The following KCTD14 variants were observed in gnomAD, a reference collection of about 807,000 sequenced individuals.
The protein encoded by KCTD14 is BTB/POZ domain-containing protein KCTD14.
KCTD14 carries 7 observed loss-of-function variants against 5.9 expected under a neutral mutation model. That is an observed-to-expected ratio of 1.19 (90% CI 0.68 to 2.23). The LOEUF (loss-of-function observed/expected upper bound fraction) is 2.23. Ranked by LOEUF, KCTD14 falls within the 30% of genes most tolerant of loss-of-function variation. The probability of loss-of-function intolerance (pLI) is 0.00; values close to 1 mark genes in which losing one functional copy is unlikely to be tolerated. For missense variants in KCTD14, 342 were observed against 332.2 expected (o/e 1.03, Z -0.23); for synonymous variants, 140 against 133.1 (o/e 1.05, Z -0.36).
chr11:78,044,371 G>A (rs367914848), intron 1 of KCTD14, among the ~76,000 whole-genome samples: 1 of 152,260 alleles, frequency 6.6e-6, no homozygotes, highest in East Asian at 1.9e-4. Flanking sequence ...TTCCTGAAAA[G>A]GACCTGGTGG....
chr11:78,037,610 A>G (rs1591193417), intron 2 of KCTD14, among the ~76,000 whole-genome samples: 1 of 151,974 alleles, frequency 6.6e-6, no homozygotes, highest in African/African-American at 2.4e-5. Flanking sequence ...CTTTAAAATC[A>G]CTGCCTCCAG....
chr11:78,042,206 T>C (rs779036315), intron 1 of KCTD14, among the ~76,000 whole-genome samples: 6 of 152,154 alleles, frequency 3.9e-5, no homozygotes, highest in Non-Finnish European at 8.8e-5. Flanking sequence ...AGAAATTTCG[T>C]TCATAGTTTA....
intron 2 of KCTD14, among the ~76,000 whole-genome samples, chr11:78,036,492 AC>A (rs1265525640): frequency 6.6e-6 from 1 of 152,236 alleles, no homozygotes; most frequent in Non-Finnish European, 1.5e-5. Context: ...GAAGACACTC[AC>A]CTAAAGTCCC....
At chr11:78,021,266 C>G (rs896459068) in intron 1 of KCTD14, among the ~76,000 whole-genome samples, 3 of 136,946 alleles carry the variant, frequency 2.2e-5, no homozygotes, top group African/African-American at 8.4e-5. Context: ...CTACTGCACT[C>G]CAGCCTAGGT....
intron 2 of KCTD14, among the ~76,000 whole-genome samples, chr11:78,030,046 A>C (rs1857572397): frequency 6.6e-6 from 1 of 151,988 alleles, no homozygotes; most frequent in Non-Finnish European, 1.5e-5. Flanking sequence ...AGCCTCCCAA[A>C]GTGCTGGGAT....
chr11:78,045,394 T>C (rs1293035965), intron 1 of KCTD14, among the ~76,000 whole-genome samples: 1 of 152,208 alleles, frequency 6.6e-6, no homozygotes, highest in African/African-American at 2.4e-5. Flanking sequence ...ACGATAGTGA[T>C]GTTATCTGCA....
chr11:78,028,494 T>C (rs1857527311), intron 2 of KCTD14, among the ~76,000 whole-genome samples: 1 of 151,424 alleles, frequency 6.6e-6, no homozygotes, highest in Non-Finnish European at 1.5e-5. Flanking sequence ...TCCCAGCTAC[T>C]CGGGAGGCTG....
At chr11:78,024,196 C>T (rs1365439504), upstream of KCTD14, among the ~76,000 whole-genome samples, 1 of 151,752 alleles carries the variant, frequency 6.6e-6, no homozygotes, top group African/African-American at 2.4e-5. Flanking sequence ...ACCAGCCTGA[C>T]CAAAATGGTG....
upstream of KCTD14, among the ~76,000 whole-genome samples, chr11:78,024,243 G>A (rs1857382791): frequency 6.6e-6 from 1 of 151,708 alleles, no homozygotes; most frequent in Admixed American, 6.6e-5. Flanking sequence ...AAATTAGCTG[G>A]GTGTGATGGC....
chr11:78,033,657 G>A (rs944775904), intron 2 of KCTD14, among the ~76,000 whole-genome samples: 1 of 146,042 alleles, frequency 6.8e-6, no homozygotes, highest in African/African-American at 2.6e-5. Context: ...ACTCCAGCCT[G>A]GGCAACAGAG....
At chr11:78,044,571 G>C (rs1858081460) in intron 1 of KCTD14, among the ~76,000 whole-genome samples, 1 of 152,158 alleles carries the variant, frequency 6.6e-6, no homozygotes, top group Non-Finnish European at 1.5e-5. Flanking sequence ...TTGCCACAAG[G>C]CCAGCCATGC....
intron 2 of KCTD14, among the ~76,000 whole-genome samples, chr11:78,034,764 G>A (rs1445396585): frequency 2.0e-5 from 3 of 152,014 alleles, no homozygotes; most frequent in Middle Eastern, 3.2e-3. Context: ...TGCTCACCGC[G>A]GCCTCAGTGA....
Position 78,017,080 on chromosome 11 carries a change from C to T in KCTD14, c.281G>A (p.Arg94His), listed in dbSNP as rs534936161. 1.0e-4 allele frequency: 164 copies of T among 1,614,204 alleles called. 1 individual carries two copies. The South Asian group carries it at 1.3e-3, about 13-fold the overall frequency. The change falls in exon 2 of 2, where the codon CGC (arginine) becomes CAC (histidine). Residue 94 changes from arginine (R) to histidine (H), a missense_variant. Physicochemically the swap from Arg to His is conservative, Grantham distance 29 (BLOSUM62 0). Coordinates refer to ENST00000353172, the MANE Select transcript of KCTD14 (RefSeq NM_023930.4). ...TYFRPILDYL[R>H]TGQVPTQHIP... Reference sequence around the variant, plus strand: ...GTGCTGTGTGGGCACTTGCCCAGTGCGCAGGTAGTCCAGGATGGGTCTGAA... The same window carrying T: ...GTGCTGTGTGGGCACTTGCCCAGTGTGCAGGTAGTCCAGGATGGGTCTGAA...
upstream of KCTD14, among the ~76,000 whole-genome samples, chr11:78,027,292 G>A (rs1591183445): frequency 6.6e-6 from 1 of 152,014 alleles, no homozygotes; most frequent in East Asian, 1.9e-4. Context: ...CAGCACTTTG[G>A]GAGGCTAAGG....
At chr11:78,033,654 C>G (rs553702319) in intron 2 of KCTD14, among the ~76,000 whole-genome samples, 4 of 147,782 alleles carry the variant, frequency 2.7e-5, no homozygotes, top group African/African-American at 5.0e-5. Flanking sequence ...TGTACTCCAG[C>G]CTGGGCAACA....
intron 2 of KCTD14, among the ~76,000 whole-genome samples, chr11:78,037,052 C>A (rs1857825271): frequency 6.6e-6 from 1 of 152,230 alleles, no homozygotes; most frequent in Non-Finnish European, 1.5e-5. Flanking sequence ...GGGTTCAAAA[C>A]CAGGTCCCTC....
At chr11:78,038,762 A>G in intron 1 of KCTD14, 3 of 1,535,734 alleles carry the variant, frequency 2.0e-6, no homozygotes, top group Non-Finnish European at 2.6e-6. Context: ...TCACCCCCTG[A>G]AACAGAAAGA....
At chr11:78,041,409 G>A (rs930340708) in intron 1 of KCTD14, among the ~76,000 whole-genome samples, 24 of 152,156 alleles carry the variant, frequency 1.6e-4, no homozygotes, top group Non-Finnish European at 2.9e-5. Context: ...TAAACACAGG[G>A]CTTACAACTT....
At chr11:78,032,966 C>A (rs569258931) in intron 2 of KCTD14, among the ~76,000 whole-genome samples, 19 of 152,212 alleles carry the variant, frequency 1.2e-4, no homozygotes, top group Non-Finnish European at 2.5e-4. Flanking sequence ...ACAGGCCTAT[C>A]CCATGATGCC....
Sources: allele counts gnomAD v4.1 joint callset (sites outside exome capture counted in the v4.1 genomes callset), GRCh38; gene constraint gnomAD v4.1.1; transcripts MANE v1.5; gene names NCBI Gene and HGNC (gene_info 2026-07-23, HGNC 2026-07-21).